Variants in GPC6 observed in about 807,000 individuals in gnomAD.
GPC6 encodes glypican 6, also known as glypican-6.
GPC6 carries 14 observed loss-of-function variants against 55.2 expected under a neutral mutation model. That is an observed-to-expected ratio of 0.25 (90% CI 0.17 to 0.40). The LOEUF is 0.40. Ranked by LOEUF, GPC6 falls within the 10% of genes least tolerant of loss-of-function variation. The pLI, the probability that GPC6 is intolerant of heterozygous loss-of-function variation, is 1.00. For missense variants in GPC6, 641 were observed against 708.5 expected (o/e 0.90, Z 1.08); for synonymous variants, 278 against 259.6 (o/e 1.07, Z -0.68).
intron 1 of GPC6, among the ~76,000 whole-genome samples, chr13:93,265,709 C>T (rs946774428): frequency 2.6e-5 from 4 of 152,134 alleles, no homozygotes; most frequent in Admixed American, 6.6e-5. Flanking sequence ...TTCAAATATA[C>T]ATGCAATGAG....
chr13:93,825,860 CTTTTTTT>C (rs1029574657), intron 2 of GPC6, among the ~76,000 whole-genome samples: 4 of 124,184 alleles, frequency 3.2e-5, no homozygotes, highest in African/African-American at 9.1e-5. Flanking sequence ...TTATTATTTT[CTTTTTTT>C]TTTTTTTTTT....
chr13:93,767,885 G>A (rs915816425), intron 2 of GPC6, among the ~76,000 whole-genome samples: 9 of 152,068 alleles, frequency 5.9e-5, no homozygotes, highest in African/African-American at 1.7e-4. Context: ...TTAAACAAAC[G>A]TTAACTCATC....
intron 4 of GPC6, among the ~76,000 whole-genome samples, chr13:94,168,396 G>A (rs1400427544): frequency 6.6e-6 from 1 of 152,148 alleles, no homozygotes; most frequent in African/African-American, 2.4e-5. Context: ...TCCAGGTGGG[G>A]GTGGAGCCCG....
chr13:94,164,169 T>C (rs1156251118), intron 4 of GPC6, among the ~76,000 whole-genome samples: 1 of 152,200 alleles, frequency 6.6e-6, no homozygotes, highest in African/African-American at 2.4e-5. Context: ...CAACTTTGAA[T>C]ACTCGTTTTA....
At position 93,366,463 on chromosome 13, in the gene GPC6, A is replaced by G. The variant is rs1398327687; in HGVS notation, c.160+138847A>G. ...TGTTGCAGATAATGTAGAAGAGGAC[A>G]TGCATGCTTCATTGCAGCTCAATTT... On this transcript the variant is annotated intron_variant, in intron 1 of 8. Transcript: ENST00000377047. Among the ~76,000 whole-genome samples the G allele has an allele frequency of 3.3e-5, 5 of 152,110 alleles. No individual in the cohort carries two copies. The East Asian group carries it at 9.6e-4, about 29-fold the overall frequency.
chr13:94,074,801 A>G (rs1302597519), intron 4 of GPC6, among the ~76,000 whole-genome samples: 1 of 152,204 alleles, frequency 6.6e-6, no homozygotes, highest in Non-Finnish European at 1.5e-5. Flanking sequence ...CAAAAGTTTT[A>G]TCTCCTCATC....
chr13:94,361,133 A>T (rs1247235946), intron 6 of GPC6, among the ~76,000 whole-genome samples: 1 of 152,208 alleles, frequency 6.6e-6, no homozygotes, highest in Non-Finnish European at 1.5e-5. Flanking sequence ...AATTGGAGGC[A>T]ATTATGGATT....
chr13:93,245,707 T>G (rs929937700), intron 1 of GPC6, among the ~76,000 whole-genome samples: 1 of 152,296 alleles, frequency 6.6e-6, no homozygotes, highest in East Asian at 1.9e-4. Context: ...GATAATGGTT[T>G]TTGTATTGTT....
At chr13:94,041,865 A>T (rs930065571) in intron 4 of GPC6, among the ~76,000 whole-genome samples, 1 of 151,916 alleles carries the variant, frequency 6.6e-6, no homozygotes, top group African/African-American at 2.4e-5. Flanking sequence ...CTTACAAAAA[A>T]GTTGCAAAAG....
chr13:94,368,313 A>G (rs188629579), intron 6 of GPC6, among the ~76,000 whole-genome samples: 1 of 152,236 alleles, frequency 6.6e-6, no homozygotes, highest in African/African-American at 2.4e-5. Flanking sequence ...TGCTGGGTGT[A>G]ACATATGGTC....
At chr13:93,573,293 T>A (rs780361488) in intron 2 of GPC6, among the ~76,000 whole-genome samples, 2 of 151,980 alleles carry the variant, frequency 1.3e-5, no homozygotes, top group African/African-American at 2.4e-5. Context: ...AAAGGGAATG[T>A]GGTGCCAAGA....
chr13:93,637,903 A>G (rs1879763858), intron 2 of GPC6, among the ~76,000 whole-genome samples: 1 of 152,274 alleles, frequency 6.6e-6, no homozygotes, highest in South Asian at 2.1e-4. Context: ...CATATTAGAG[A>G]TGACAAATGG....
In GPC6 at chr13:94,084,181, T is replaced by C. The variant is rs1008278992; in HGVS notation, c.877+56287T>C. On this transcript the variant is annotated intron_variant, in intron 4 of 8. Transcript: ENST00000377047. ...GTGTAGCACTTTTCGAAATGTTCTG[T>C]GGACATTTTTATTTACTGCACATAA... Among the ~76,000 whole-genome samples, 17 of 152,332 alleles carry C rather than the reference T, an allele frequency of 1.1e-4. No homozygotes were observed. The East Asian group carries it at 3.1e-3, about 28-fold the overall frequency.
chr13:93,820,010 A>C (rs1032830691), intron 2 of GPC6, among the ~76,000 whole-genome samples: 3 of 152,196 alleles, frequency 2.0e-5, no homozygotes, highest in South Asian at 2.1e-4. Flanking sequence ...GCTGCTTTTC[A>C]GGAAACTTTC....
intron 5 of GPC6, among the ~76,000 whole-genome samples, chr13:94,303,526 CT>C (rs1246681724): frequency 1.3e-5 from 2 of 152,088 alleles, no homozygotes; most frequent in African/African-American, 4.8e-5. Flanking sequence ...GATAGGATCT[CT>C]GTTTAGGGGC....
At chr13:93,592,396 TATATAA>T (rs936208843) in intron 2 of GPC6, among the ~76,000 whole-genome samples, 9 of 140,904 alleles carry the variant, frequency 6.4e-5, no homozygotes, top group African/African-American at 2.6e-4. Flanking sequence ...TATATATTAA[TATATAA>T]ATATAAATAT....
intron 4 of GPC6, among the ~76,000 whole-genome samples, chr13:94,041,215 G>T (rs955325125): frequency 4.6e-5 from 7 of 151,794 alleles, no homozygotes; most frequent in Non-Finnish European, 8.8e-5. Context: ...GCCTCATTCT[G>T]CAAATCAGTT....
At chr13:93,879,919 T>G (rs1372179387) in intron 3 of GPC6, among the ~76,000 whole-genome samples, 5,440 of 150,792 alleles carry the variant, frequency 0.036, 265 homozygotes, top group East Asian at 0.17. Flanking sequence ...TGAACAGACA[T>G]TTCTCAAAAG....
chr13:94,220,443 TCATTGAAAAC>T (rs1463777992), intron 4 of GPC6, among the ~76,000 whole-genome samples: 3 of 152,096 alleles, frequency 2.0e-5, no homozygotes, highest in Admixed American at 1.3e-4. Context: ...ACATTTGCAT[TCATTGAAAAC>T]CAAAGCACTT....
Sources: gnomAD v4.1 joint callset for allele counts (sites outside exome capture counted in the v4.1 genomes callset) on GRCh38, gnomAD v4.1.1 for gene constraint, MANE v1.5 for transcripts, NCBI Gene and HGNC (gene_info 2026-07-23, HGNC 2026-07-21) for gene names.